Variants in HEATR4 observed in about 807,000 individuals in gnomAD.
HEATR4 encodes the protein HEAT repeat containing 4, also known as HEAT repeat-containing protein 4.
A neutral mutation model predicts 108.8 loss-of-function variants in HEATR4; 95 were observed. The ratio of observed to expected loss-of-function variants is 0.87; its 90% confidence interval spans 0.74 to 1.04. The LOEUF is 1.04. HEATR4 is among the 50% of genes least tolerant of loss of function. HEATR4 has a pLI of 0.00. For missense variants in HEATR4, 1,152 were observed against 1,253.8 expected (o/e 0.92, Z 1.23); for synonymous variants, 443 against 459.4 (o/e 0.96, Z 0.46).
the HEATR4 span, chr14:73,592,040 C>G: frequency 2.7e-5 from 40 of 1,461,512 alleles, no homozygotes; most frequent in Middle Eastern, 8.7e-4. Context: ...GCGGCCTGGC[C>G]CCGGAGCAGC....
rs1448724502 is a variant in HEATR4 at position 73,551,354 on chromosome 14, G to T, written c.-152+7397C>A. 2.6e-5 allele frequency among the ~76,000 whole-genome samples: 3 copies of T among 114,742 alleles called. 1 individual carries two copies. Among genetic ancestry groups the T allele is most frequent in the Non-Finnish European group, 5.7e-5 (3 of 52,740 alleles). The allele number at this position is 114,742 out of a possible 152,430, so 75.3% of individuals were successfully genotyped here. On this transcript the variant is annotated intron_variant, in intron 1 of 17. Coordinates refer to ENST00000553558, the MANE Select transcript of HEATR4 (RefSeq NM_001220484.1). The stretch of plus-strand genomic sequence containing the variant: ...CACCCACTAGGAATGTCAGGTGGTG[G>T]TTGACAGTTATCACGTTGCCTCTCT...
chr14:73,612,745 C>T, the HEATR4 span: 2 of 1,369,224 alleles, frequency 1.5e-6, no homozygotes, highest in African/African-American at 1.5e-5. Flanking sequence ...ACGCCCGCGA[C>T]GAGCTGGACC....
the HEATR4 span, chr14:73,573,473 G>A: frequency 6.2e-7 from 1 of 1,613,700 alleles, no homozygotes; most frequent in Non-Finnish European, 8.5e-7. Flanking sequence ...TGGCTGGGAA[G>A]GGTTTTGCTG....
the HEATR4 span, chr14:73,569,700 C>T: frequency 1.2e-6 from 2 of 1,609,520 alleles, no homozygotes; most frequent in Admixed American, 1.7e-5. Flanking sequence ...ACCTTTGGTG[C>T]GGCTGGTGAA....
At chr14:73,496,506 G>T in intron 15 of HEATR4, 95 bp downstream of exon 15, 1 of 743,298 alleles carries the variant, frequency 1.3e-6, no homozygotes, top group Non-Finnish European at 2.4e-6. Context: ...TCTATGGTGG[G>T]AAAAAGGGTA....
chr14:73,557,745 C>T (rs1168389949), intron 1 of HEATR4, among the ~76,000 whole-genome samples: 6 of 67,356 alleles, frequency 8.9e-5, no homozygotes, highest in South Asian at 4.6e-4. Flanking sequence ...AGCTGGAGTG[C>T]GGTGGCACAG....
At chr14:73,532,940 G>A (rs1454528035) in intron 1 of HEATR4, among the ~76,000 whole-genome samples, 1 of 110,716 alleles carries the variant, frequency 9.0e-6, no homozygotes, top group African/African-American at 2.9e-5. Context: ...GGGTGACAGA[G>A]CAAGACTCCA....
In HEATR4 at chr14:73,514,174, A is replaced by G. The variant is rs767173008; in HGVS notation, c.1271T>C (p.Met424Thr). 3 of 1,614,214 alleles carry G rather than the reference A, an allele frequency of 1.9e-6. No homozygotes were observed. In the South Asian group the frequency reaches 3.3e-5, roughly 18 times the overall value. Residue 424 changes from methionine (M) to threonine (T), a missense_variant, in exon 6 of 18, where the codon ATG becomes ACG. Coordinates refer to ENST00000553558, the MANE Select transcript of HEATR4 (RefSeq NM_001220484.1). ...WTALPTPAKD[M>T]LLQVGEKDVP... ...ATCCTTCTCACCCACCTGCAGCAGC[A>G]TATCCTTGGCGGGGGTGGGCAAAGC...
In HEATR4 at chr14:73,492,800, A is replaced by G. The variant is rs768345086; in HGVS notation, c.2844+266T>C. ...AATATACCCCCAGCAAGCTGATGCC[A>G]TGGAACTGTTGCTTGGTTCTTATCC... On this transcript the variant is annotated intron_variant, in intron 17 of 17. Coordinates refer to ENST00000553558, the MANE Select transcript of HEATR4 (RefSeq NM_001220484.1). The surrounding 1 kb of genome is among the most constrained non-coding windows in gnomAD (Gnocchi z 4.9). The G allele has an allele frequency of 5.6e-6, 9 of 1,613,970 alleles. No individual in the cohort carries two copies. In the Middle Eastern group the frequency reaches 4.9e-4, roughly 89 times the overall value.
At chr14:73,560,580 T>A (rs1889512615), upstream of HEATR4, among the ~76,000 whole-genome samples, 1 of 149,362 alleles carries the variant, frequency 6.7e-6, no homozygotes, top group Non-Finnish European at 1.5e-5. Context: ...GAGAATGGCA[T>A]GAACCCGGGA....
chr14:73,592,466 C>T, the HEATR4 span: 1 of 1,448,380 alleles, frequency 6.9e-7, no homozygotes, highest in Non-Finnish European at 9.0e-7. Flanking sequence ...CCTGAGTCTC[C>T]GTTTGTTTCC....
the HEATR4 span, chr14:73,569,601 G>A: frequency 3.7e-6 from 6 of 1,601,632 alleles, no homozygotes; most frequent in Non-Finnish European, 5.1e-6. Context: ...CACTCTTGGC[G>A]AGCTGGACCT....
At chr14:73,565,423 T>C in the HEATR4 span, among the ~76,000 whole-genome samples, 2 of 149,790 alleles carry the variant, frequency 1.3e-5, no homozygotes, top group African/African-American at 4.9e-5. Flanking sequence ...TCTTGCTCAG[T>C]CGCCCAGGCT....
chr14:73,551,762 C>T (rs1366060229), intron 1 of HEATR4, among the ~76,000 whole-genome samples: 2 of 107,696 alleles, frequency 1.9e-5, no homozygotes, highest in Non-Finnish European at 4.0e-5. Context: ...TGAGCTGAGA[C>T]CACGCCATTA....
At chr14:73,567,349 C>T in the HEATR4 span, among the ~76,000 whole-genome samples, 1 of 152,046 alleles carries the variant, frequency 6.6e-6, no homozygotes, top group Non-Finnish European at 1.5e-5. Flanking sequence ...AGGTGAAGAC[C>T]GCTGGGCTTC....
the HEATR4 span, among the ~76,000 whole-genome samples, chr14:73,615,800 C>T: frequency 2.6e-5 from 4 of 152,022 alleles, no homozygotes; most frequent in East Asian, 7.7e-4. Context: ...ACTTAAAATC[C>T]CAGCACTTGA....
chr14:73,535,715 G>A (rs1479179508), intron 1 of HEATR4, among the ~76,000 whole-genome samples: 3 of 112,282 alleles, frequency 2.7e-5, no homozygotes, highest in East Asian at 7.0e-4. Context: ...TGCTGACCTC[G>A]TGATCCACCC....
chr14:73,593,336 C>CTTTTTTTTTTT, the HEATR4 span, among the ~76,000 whole-genome samples: 4 of 104,868 alleles, frequency 3.8e-5, no homozygotes, highest in Non-Finnish European at 7.2e-5. Flanking sequence ...TTCTTTCTTT[C>CTTTTTTTTTTT]TTTTTTTTTT....
At chr14:73,575,042 A>G in the HEATR4 span, 1 of 1,581,134 alleles carries the variant, frequency 6.3e-7, no homozygotes. Context: ...GGGGAACCTT[A>G]CACTACAAGG....
Sources: allele counts gnomAD v4.1 joint callset (sites outside exome capture counted in the v4.1 genomes callset), GRCh38; gene constraint gnomAD v4.1.1; non-coding constraint Gnocchi (gnomAD v3.1); transcripts MANE v1.5; gene names NCBI Gene and HGNC (gene_info 2026-07-23, HGNC 2026-07-21).